The following DMD variants were observed in gnomAD, a reference collection of about 807,000 sequenced individuals.
DMD encodes mutant dystrophin.
A neutral mutation model predicts 330.1 loss-of-function variants in DMD; 63 were observed. That is an observed-to-expected ratio of 0.19 (90% confidence interval 0.16 to 0.24). DMD has a LOEUF of 0.24. Ranked by LOEUF, DMD falls within the 10% of genes least tolerant of loss-of-function variation. The pLI is 1.00. For synonymous variants in DMD, 1,223 were observed against 959.8 expected (o/e 1.27, Z -5.07); for missense variants, 3,344 against 2,684.1 (o/e 1.25, Z -5.43).
At chrX:32,345,893 T>C in intron 39 of DMD, 50 bp downstream of exon 39, 4 of 1,178,423 alleles carry the variant, frequency 3.4e-6, no homozygotes, top group Non-Finnish European at 4.6e-6. Flanking sequence ...TTACCCTATA[T>C]ATTAAAAAAA....
At chrX:31,572,680 G>A (rs1384888429) in intron 55 of DMD, among the ~76,000 whole-genome samples, 3 of 112,054 alleles carry the variant, frequency 2.7e-5, no homozygotes, top group African/African-American at 9.7e-5. Flanking sequence ...TCCCCAGTGG[G>A]ATTAAACTCC....
intron 2 of DMD, among the ~76,000 whole-genome samples, chrX:32,937,115 A>T (rs1404600964): frequency 1.8e-5 from 2 of 110,829 alleles, no homozygotes; most frequent in African/African-American, 6.6e-5. Context: ...GCTCAGTGTT[A>T]GGAAATTCAA....
intron 41 of DMD, among the ~76,000 whole-genome samples, chrX:32,336,023 A>G (rs965690679): frequency 9.1e-5 from 9 of 99,153 alleles, no homozygotes; most frequent in Non-Finnish European, 1.5e-4. Flanking sequence ...TAACGTGTAT[A>G]TATAACGTTA....
intron 16 of DMD, among the ~76,000 whole-genome samples, chrX:32,550,718 A>G (rs1362247032): frequency 9.0e-6 from 1 of 110,810 alleles, no homozygotes; most frequent in Non-Finnish European, 1.9e-5. Context: ...ATAATTAATA[A>G]TAAAGATAGA....
chrX:31,453,780 A>AAAAAAAAAAAAAC (rs1569543806), intron 59 of DMD, among the ~76,000 whole-genome samples: 5 of 104,363 alleles, frequency 4.8e-5, no homozygotes, highest in Non-Finnish European at 7.8e-5. Context: ...AAAAAAAAAA[A>AAAAAAAAAAAAAC]AAAAAAAAAA....
intron 7 of DMD, among the ~76,000 whole-genome samples, chrX:32,753,593 A>T (rs182215954): frequency 8.9e-6 from 1 of 112,264 alleles, no homozygotes; most frequent in Non-Finnish European, 1.9e-5. Flanking sequence ...GGTGTTCTAT[A>T]ACATTTAATT....
intron 43 of DMD, among the ~76,000 whole-genome samples, chrX:32,280,912 T>A (rs1285562144): frequency 8.9e-6 from 1 of 112,600 alleles, no homozygotes; most frequent in Non-Finnish European, 1.9e-5. Context: ...ACATTAGGAA[T>A]GGGCTTGCAG....
At chrX:31,371,428 T>A (rs1451114876) in intron 60 of DMD, among the ~76,000 whole-genome samples, 3 of 112,004 alleles carry the variant, frequency 2.7e-5, no homozygotes, top group African/African-American at 9.7e-5. Context: ...GGCGAATAAT[T>A]TTTTGGTAAT....
chrX:31,385,664 C>A (rs747605485), intron 60 of DMD, among the ~76,000 whole-genome samples: 93 of 112,206 alleles, frequency 8.3e-4, no homozygotes, highest in African/African-American at 2.7e-3. Flanking sequence ...AAATGCAAAT[C>A]AAAACCACAA....
chrX:31,634,884 C>A (rs1306961952), intron 54 of DMD, among the ~76,000 whole-genome samples: 1 of 111,489 alleles, frequency 9.0e-6, no homozygotes, highest in Non-Finnish European at 1.9e-5. Flanking sequence ...AAGAAATGTA[C>A]ACAGTGTTAT....
chrX:33,099,864 G>A (rs1388977963), intron 1 of DMD, among the ~76,000 whole-genome samples: 1 of 111,025 alleles, frequency 9.0e-6, no homozygotes, highest in East Asian at 2.8e-4. Flanking sequence ...AATCGACATA[G>A]TTTACACACC....
intron 2 of DMD, among the ~76,000 whole-genome samples, chrX:32,951,269 C>T (rs1445667681): frequency 9.0e-6 from 1 of 111,719 alleles, no homozygotes; most frequent in Admixed American, 9.6e-5. Flanking sequence ...TTCCTAAAAT[C>T]TTGTGGAGGC....
intron 44 of DMD, among the ~76,000 whole-genome samples, chrX:31,981,817 C>G (rs2095477751): frequency 8.9e-6 from 1 of 112,071 alleles, no homozygotes; most frequent in African/African-American, 3.2e-5. Context: ...GCTAAAATCT[C>G]TGGCCCTGGA....
rs781262275 is a variant in DMD, at chrX:32,951,941, CT to C, written c.93+68197del. Among the ~76,000 whole-genome samples the C allele has an allele frequency of 4.5e-3, 497 of 111,027 alleles. 1 individual carries two copies. Among genetic ancestry groups the C allele is most frequent in the African/African-American group, 0.015 (472 of 30,607 alleles). ...TGTGCTTTTATATTTGACATCTCCT[CT>C]TTTTAAATATTCATGTAGAATAGCC... On this transcript the variant is annotated intron_variant, in intron 2 of 78. Transcript: ENST00000357033.
At chrX:31,532,132 G>C (rs1277078756) in intron 55 of DMD, among the ~76,000 whole-genome samples, 3 of 95,095 alleles carry the variant, frequency 3.2e-5, no homozygotes, top group Non-Finnish European at 6.1e-5. Context: ...GAAATACAGA[G>C]AACGCCACAA....
chrX:32,182,500 T>C (rs1395579486), intron 44 of DMD, among the ~76,000 whole-genome samples: 1 of 111,370 alleles, frequency 9.0e-6, no homozygotes, highest in East Asian at 2.8e-4. Flanking sequence ...ATTCCTATGG[T>C]TCTGGTAAGA....
chrX:32,788,559 A>G (rs866371156), intron 7 of DMD, among the ~76,000 whole-genome samples: 93 of 112,044 alleles, frequency 8.3e-4, no homozygotes, highest in African/African-American at 3.0e-3. Context: ...ATCTGTGAGT[A>G]TAATTGCCAA....
intron 55 of DMD, among the ~76,000 whole-genome samples, chrX:31,587,631 C>A (rs2076675032): frequency 9.0e-6 from 1 of 111,500 alleles, no homozygotes; most frequent in Admixed American, 9.5e-5. Flanking sequence ...TTTTCCTTGG[C>A]CTCCTAAGGC....
intron 55 of DMD, among the ~76,000 whole-genome samples, chrX:31,542,178 G>A (rs1485120113): frequency 8.9e-6 from 1 of 111,750 alleles, no homozygotes; most frequent in Non-Finnish European, 1.9e-5. Context: ...GGAATGCAAA[G>A]GACGCTATGG....
Sources: allele counts gnomAD v4.1 joint callset (sites outside exome capture counted in the v4.1 genomes callset), GRCh38; gene constraint gnomAD v4.1.1; transcripts MANE v1.5; gene names NCBI Gene and HGNC (gene_info 2026-07-23, HGNC 2026-07-21).